The following SH3PXD2A variants were observed in gnomAD, a reference collection of about 807,000 sequenced individuals.
SH3PXD2A encodes the protein SH3 and PX domain-containing protein 2A.
SH3PXD2A carries 32 observed loss-of-function variants against 115.2 expected under a neutral mutation model. The ratio of observed to expected loss-of-function variants is 0.28; its 90% CI spans 0.21 to 0.37. The LOEUF is 0.37. Ranked by LOEUF, SH3PXD2A falls within the 10% of genes least tolerant of loss-of-function variation. SH3PXD2A has a pLI of 1.00. For missense variants in SH3PXD2A, 1,328 were observed against 1,498.7 expected, an observed-to-expected ratio of 0.89 and a Z score of 1.88; for synonymous variants, 610 against 629.1, an observed-to-expected ratio of 0.97 and a Z score of 0.45.
At chr10:103,661,480 C>G (rs985920557) in intron 7 of SH3PXD2A, among the ~76,000 whole-genome samples, 4 of 152,110 alleles carry the variant, frequency 2.6e-5, no homozygotes, top group African/African-American at 9.7e-5. Flanking sequence ...TGCGGGGAGG[C>G]CTGGGGCCGA....
chr10:103,613,684 C>G (rs111617379), intron 11 of SH3PXD2A, among the ~76,000 whole-genome samples: 5 of 152,210 alleles, frequency 3.3e-5, no homozygotes, highest in Non-Finnish European at 7.3e-5. Flanking sequence ...GTCTGTGGTA[C>G]CTTGCACAAG....
chr10:103,854,737 G>A (rs1842924803), intron 1 of SH3PXD2A, among the ~76,000 whole-genome samples: 1 of 152,202 alleles, frequency 6.6e-6, no homozygotes, highest in Non-Finnish European at 1.5e-5. Flanking sequence ...GGCCTAGGAA[G>A]GCAGAGACAG....
intron 13 of SH3PXD2A, among the ~76,000 whole-genome samples, chr10:103,606,481 TTCCCTC>T (rs1392617675): frequency 4.5e-5 from 2 of 44,308 alleles, no homozygotes; most frequent in African/African-American, 8.7e-5. Context: ...CCCCCTCCCC[TTCCCTC>T]TCCCTCTCCC....
intron 6 of SH3PXD2A, among the ~76,000 whole-genome samples, chr10:103,670,946 G>A (rs908666822): frequency 2.6e-5 from 4 of 152,374 alleles, no homozygotes; most frequent in Middle Eastern, 3.4e-3. Flanking sequence ...GTGGCCAAGT[G>A]GGCTGCCTGC....
chr10:103,804,284 C>T (rs1351157826), intron 1 of SH3PXD2A, among the ~76,000 whole-genome samples: 1 of 147,684 alleles, frequency 6.8e-6, no homozygotes, highest in Non-Finnish European at 1.5e-5. Context: ...TTGCAGGGGG[C>T]CTTCAAATTT....
intron 2 of SH3PXD2A, among the ~76,000 whole-genome samples, chr10:103,780,227 C>T (rs2038919582): frequency 6.6e-6 from 1 of 152,230 alleles, no homozygotes; most frequent in Non-Finnish European, 1.5e-5. Flanking sequence ...CCCTGATGGG[C>T]TTCCTGGAAA....
intron 8 of SH3PXD2A, among the ~76,000 whole-genome samples, chr10:103,646,997 T>G (rs1244176611): frequency 1.3e-5 from 2 of 151,460 alleles, no homozygotes; most frequent in East Asian, 3.9e-4. Context: ...TCCAACCACC[T>G]CCCTTGGAGG....
chr10:103,610,545 T>C (rs1254623980), intron 13 of SH3PXD2A, among the ~76,000 whole-genome samples: 2 of 152,180 alleles, frequency 1.3e-5, no homozygotes, highest in Non-Finnish European at 2.9e-5. Context: ...TTAAAAACCA[T>C]ATTTTTATGG....
At chr10:103,821,712 C>T (rs1208827240) in intron 1 of SH3PXD2A, among the ~76,000 whole-genome samples, 8 of 152,088 alleles carry the variant, frequency 5.3e-5, no homozygotes, top group African/African-American at 1.2e-4. Flanking sequence ...ACTACAGGGG[C>T]GCATCACCAT....
intron 5 of SH3PXD2A, among the ~76,000 whole-genome samples, chr10:103,718,156 C>T (rs1291797155): frequency 6.6e-6 from 1 of 152,098 alleles, no homozygotes; most frequent in East Asian, 1.9e-4. Flanking sequence ...CAGGCGTGTG[C>T]CACCATGCCT....
intron 14 of SH3PXD2A, 131 bp from the exon 15 acceptor site, chr10:103,603,920 G>A: frequency 1.9e-6 from 2 of 1,049,132 alleles, no homozygotes; most frequent in Non-Finnish European, 2.6e-6. Context: ...CCGAGCCACT[G>A]AGTAAGTGGC....
intron 3 of SH3PXD2A, among the ~76,000 whole-genome samples, chr10:103,750,968 G>A (rs2038571089): frequency 6.6e-6 from 1 of 152,184 alleles, no homozygotes; most frequent in Non-Finnish European, 1.5e-5. Flanking sequence ...AGAGAGGCTG[G>A]CACTGCCGCA....
chr10:103,788,972 G>C (rs2039006220), intron 2 of SH3PXD2A, among the ~76,000 whole-genome samples: 1 of 152,164 alleles, frequency 6.6e-6, no homozygotes, highest in African/African-American at 2.4e-5. Context: ...CCTGGGGCGG[G>C]GGCTGCTGAT....
intron 1 of SH3PXD2A, among the ~76,000 whole-genome samples, chr10:103,829,464 TTTTG>T (rs2039464599): frequency 6.6e-6 from 1 of 152,038 alleles, no homozygotes; most frequent in Non-Finnish European, 1.5e-5. Flanking sequence ...AAAGGAAGGA[TTTTG>T]TTTGTTTTTT....
intron 7 of SH3PXD2A, among the ~76,000 whole-genome samples, chr10:103,661,356 G>T (rs1264536076): frequency 2.0e-5 from 3 of 152,274 alleles, no homozygotes; most frequent in African/African-American, 7.2e-5. Context: ...GGCCGGGGAG[G>T]GGACGGGCAG....
intron 5 of SH3PXD2A, among the ~76,000 whole-genome samples, chr10:103,713,080 T>C (rs1301670737): frequency 6.6e-6 from 1 of 152,176 alleles, no homozygotes; most frequent in Non-Finnish European, 1.5e-5. Flanking sequence ...TAATATCCGA[T>C]ATGGCCATGG....
intron 6 of SH3PXD2A, among the ~76,000 whole-genome samples, chr10:103,679,445 C>T (rs1405785402): frequency 1.3e-5 from 2 of 152,234 alleles, no homozygotes; most frequent in South Asian, 2.1e-4. Flanking sequence ...ATCCACTAGC[C>T]TTCAAGGGTA....
chr10:103,638,607 A>G (rs1287436012), intron 8 of SH3PXD2A, among the ~76,000 whole-genome samples: 1 of 152,248 alleles, frequency 6.6e-6, no homozygotes, highest in Non-Finnish European at 1.5e-5. Flanking sequence ...TGCCAGCTGC[A>G]TGAATTTGGG....
intron 1 of SH3PXD2A, among the ~76,000 whole-genome samples, chr10:103,804,345 G>A (rs11596748): frequency 3.7e-5 from 5 of 133,454 alleles, no homozygotes; most frequent in Non-Finnish European, 7.8e-5. Context: ...TTTTTGAGAC[G>A]GAGTCTGTCT....
Sources: allele counts gnomAD v4.1 joint callset (sites outside exome capture counted in the v4.1 genomes callset), GRCh38; gene constraint gnomAD v4.1.1; transcripts MANE v1.5; gene names NCBI Gene and HGNC (gene_info 2026-07-23, HGNC 2026-07-21).